FAM118B: variants seen among roughly 807,000 people sequenced by gnomAD.
The protein encoded by FAM118B is SIR2 antiphage like 1, also known as protein FAM118B.
Under a neutral mutation model 38.5 loss-of-function variants are expected in FAM118B, and 24 were observed. The ratio of observed to expected loss-of-function variants is 0.62; its 90% confidence interval spans 0.45 to 0.88. The LOEUF (loss-of-function observed/expected upper bound fraction) is 0.88, where lower values mean the gene tolerates loss of function less well. FAM118B is among the 40% of genes least tolerant of loss of function. The probability of loss-of-function intolerance (pLI) is 0.00; values close to 1 mark genes in which losing one functional copy is unlikely to be tolerated. For synonymous variants in FAM118B, 138 were observed against 156.3 expected, an observed-to-expected ratio of 0.88 and a Z score of 0.87; for missense variants, 334 against 420.0, an observed-to-expected ratio of 0.80 and a Z score of 1.79.
chr11:126,257,580 C>A (rs1254888040), intron 7 of FAM118B, among the ~76,000 whole-genome samples: 5 of 147,380 alleles, frequency 3.4e-5, no homozygotes, highest in Non-Finnish European at 7.4e-5. Flanking sequence ...ATACCATGGT[C>A]AGCTATATTC....
At chr11:126,237,508 G>T (rs1950292153) in intron 3 of FAM118B, among the ~76,000 whole-genome samples, 1 of 144,036 alleles carries the variant, frequency 6.9e-6, no homozygotes, top group Non-Finnish European at 1.5e-5. Flanking sequence ...AAAGTGCTGG[G>T]ATGACAGGCG....
At chr11:126,248,602 C>T (rs1272554891) in intron 4 of FAM118B, among the ~76,000 whole-genome samples, 2 of 152,030 alleles carry the variant, frequency 1.3e-5, no homozygotes, top group African/African-American at 4.8e-5. Flanking sequence ...GATCTCTTGA[C>T]CTCGTGATCC....
At position 126,253,592 on chromosome 11, in the gene FAM118B, A is replaced by G. The variant is rs895899871; in HGVS notation, c.568-713A>G. Among the ~76,000 whole-genome samples the G allele has an allele frequency of 6.6e-5, 10 of 152,176 alleles. No individual in the cohort carries two copies. Among genetic ancestry groups the G allele is most frequent in the African/African-American group, 2.2e-4 (9 of 41,436 alleles). On this transcript the variant is annotated intron_variant, in intron 5 of 8. Transcript: ENST00000533050. This position sits in a 1 kb window ranked among gnomAD's most constrained non-coding sequence, Gnocchi z 5.1. ...GTAACAACAAATATCTTATCTGCCC[A>G]TGATAAAGTATATTAACAATTTGAA...
chr11:126,244,714 G>A lies in FAM118B; in HGVS notation c.339+3670G>A, dbSNP rs1262450214. Among the ~76,000 whole-genome samples the A allele has an allele frequency of 1.3e-5, 2 of 152,156 alleles. No homozygotes were observed. The highest frequency in any genetic ancestry group is 4.8e-5 in the African/African-American group (2 of 41,424). The stretch of plus-strand genomic sequence containing the variant: ...AGCTACTCGGGAGGTGGAGGCAGGA[G>A]AATCACTTGAACCTGGGAGCAGAGG... On this transcript the variant is annotated intron_variant, in intron 4 of 8. Coordinates refer to ENST00000533050, the MANE Select transcript of FAM118B (RefSeq NM_024556.4). This position sits in a 1 kb window ranked among gnomAD's most constrained non-coding sequence, Gnocchi z 4.5.
upstream of FAM118B, chr11:126,211,730 C>G: frequency 1.4e-6 from 2 of 1,431,552 alleles, no homozygotes; most frequent in Non-Finnish European, 1.9e-6. Context: ...TCACGTGGTG[C>G]GGGGTGGGGC....
intron 3 of FAM118B, among the ~76,000 whole-genome samples, chr11:126,237,382 G>A (rs1262778302): frequency 6.7e-6 from 1 of 148,220 alleles, no homozygotes; most frequent in Non-Finnish European, 1.5e-5. Context: ...TACCACACCT[G>A]GCTAATTTTT....
At chr11:126,249,127 C>T (rs1950462222) in intron 4 of FAM118B, among the ~76,000 whole-genome samples, 5 of 152,250 alleles carry the variant, frequency 3.3e-5, no homozygotes, top group Admixed American at 2.6e-4. Flanking sequence ...AATCCCAACA[C>T]TTTGGGAGGC....
intron 1 of FAM118B, among the ~76,000 whole-genome samples, chr11:126,216,833 A>T (rs1488884602): frequency 6.6e-6 from 1 of 152,262 alleles, no homozygotes; most frequent in Non-Finnish European, 1.5e-5. Flanking sequence ...ATTGTTGTGC[A>T]TTTGGATGAT....
Position 126,262,261 on chromosome 11 carries a change from C to A in FAM118B, c.*128C>A. 3 of 861,398 alleles carry A rather than the reference C, an allele frequency of 3.5e-6. No homozygotes were observed. Among genetic ancestry groups the A allele is most frequent in the Non-Finnish European group, 5.4e-6 (3 of 553,562 alleles). 53.4% of individuals were successfully genotyped at this position (861,398 alleles called of 1,614,324 possible). A position where few individuals can be genotyped will look rare whatever the true frequency, so the allele number is the denominator to read the frequency against. On this transcript the variant is annotated 3_prime_UTR_variant, in exon 9 of 9. Transcript: ENST00000533050. ...GTAACAATAGCCAGAGGTTGAAGGG[C>A]GGGGTAGAAGAGGGGGGAATGTTGC...
At chr11:126,261,527 A>G in intron 8 of FAM118B, 43 bp downstream of exon 8, 2 of 1,527,004 alleles carry the variant, frequency 1.3e-6, no homozygotes, top group Non-Finnish European at 9.1e-7. Context: ...CTGTAGCAGA[A>G]AGTCTTTCTA....
chr11:126,236,917 CTTTT>C (rs34983028), intron 3 of FAM118B, among the ~76,000 whole-genome samples: 4 of 68,398 alleles, frequency 5.8e-5, no homozygotes, highest in South Asian at 5.4e-4. Context: ...TTCACAGATG[CTTTT>C]TTTTTTTTTT....
chr11:126,259,487 A>C (rs55640045), intron 7 of FAM118B, among the ~76,000 whole-genome samples: 4 of 143,292 alleles, frequency 2.8e-5, no homozygotes, highest in African/African-American at 1.0e-4. Flanking sequence ...GTGCAGTGGC[A>C]CAATCTCGGC....
At chr11:126,240,739 G>A in intron 3 of FAM118B, 53 bp from the exon 4 acceptor site, 1 of 1,503,232 alleles carries the variant, frequency 6.7e-7, no homozygotes, top group South Asian at 1.4e-5. Context: ...GTCTTTCTGT[G>A]TGCCTCATAT....
chr11:126,238,240 T>G (rs1950307786), intron 3 of FAM118B, among the ~76,000 whole-genome samples: 1 of 152,076 alleles, frequency 6.6e-6, no homozygotes, highest in African/African-American at 2.4e-5. Flanking sequence ...CACGTGCCTG[T>G]AATCCCAGCT....
At chr11:126,212,770 A>G (rs1293377032) in intron 1 of FAM118B, among the ~76,000 whole-genome samples, 1 of 152,236 alleles carries the variant, frequency 6.6e-6, no homozygotes, top group Admixed American at 6.5e-5. Flanking sequence ...CCGTACCAAC[A>G]AGAAACAAAG....
At position 126,262,403 on chromosome 11, in the gene FAM118B, C is replaced by T; in HGVS notation, c.*270C>T. 1.9e-6 allele frequency: 1 copy of T among 529,906 alleles called. No individual in the cohort carries two copies. Among genetic ancestry groups the T allele is most frequent in the Non-Finnish European group, 3.4e-6 (1 of 297,782 alleles). The allele number at this position is 529,906 out of a possible 1,614,324, so 32.8% of individuals were successfully genotyped here. ...CAACCCACTCCCCAGGCTAGACATG[C>T]TTGTGTCCACACAGCACACCAATGT... On this transcript the variant is annotated 3_prime_UTR_variant, in exon 9 of 9. Transcript: ENST00000533050.
At chr11:126,221,604 C>T (rs749507973) in intron 1 of FAM118B, among the ~76,000 whole-genome samples, 8 of 152,134 alleles carry the variant, frequency 5.3e-5, no homozygotes, top group Middle Eastern at 3.4e-3. Context: ...GAAGCACCAC[C>T]GAGATCTGAA....
intron 2 of FAM118B, among the ~76,000 whole-genome samples, chr11:126,231,016 A>G (rs1486242636): frequency 1.3e-5 from 2 of 152,180 alleles, no homozygotes; most frequent in Non-Finnish European, 2.9e-5. Flanking sequence ...TTCATCCACC[A>G]GAGATAGAAG....
rs1950514493 is a variant in FAM118B, at chr11:126,252,236, C to G, written c.567+1503C>G. ...TCCTGACCTCAGGTGATCTGCCCACCTTAGCCTCCCAAAGTGCTGGGATTA... is the reference window on the plus strand; with the variant it reads ...TCCTGACCTCAGGTGATCTGCCCACGTTAGCCTCCCAAAGTGCTGGGATTA... On this transcript the variant is annotated intron_variant, in intron 5 of 8. Transcript: ENST00000533050. This position sits in a 1 kb window ranked among gnomAD's most constrained non-coding sequence, Gnocchi z 4.7. 6.6e-6 allele frequency among the ~76,000 whole-genome samples: 1 copy of G among 152,180 alleles called. No individual in the cohort carries two copies. The highest frequency in any genetic ancestry group is 1.5e-5 in the Non-Finnish European group (1 of 68,044).
Sources: allele counts gnomAD v4.1 joint callset (sites outside exome capture counted in the v4.1 genomes callset), GRCh38; gene constraint gnomAD v4.1.1; non-coding constraint Gnocchi (gnomAD v3.1); transcripts MANE v1.5; gene names NCBI Gene and HGNC (gene_info 2026-07-23, HGNC 2026-07-21).